RP1: variants seen among roughly 807,000 people sequenced by gnomAD.
The protein encoded by RP1 is oxygen-regulated protein 1.
Under a neutral mutation model 14.8 loss-of-function variants are expected in RP1, and 16 were observed. That is an observed-to-expected ratio of 1.08 (90% CI 0.73 to 1.65). The LOEUF (loss-of-function observed/expected upper bound fraction) is 1.65, where lower values mean the gene tolerates loss of function less well. Ranked by LOEUF, RP1 falls within the 40% of genes most tolerant of loss-of-function variation. The pLI, the probability that RP1 is intolerant of heterozygous loss-of-function variation, is 0.00. For synonymous variants in RP1, 876 were observed against 883.6 expected, an observed-to-expected ratio of 0.99 and a Z score of 0.15; for missense variants, 2,631 against 2,535.0, an observed-to-expected ratio of 1.04 and a Z score of -0.81.
downstream of RP1, among the ~76,000 whole-genome samples, chr8:54,632,618 G>C (rs1806269977): frequency 6.6e-6 from 1 of 152,154 alleles, no homozygotes; most frequent in Non-Finnish European, 1.5e-5. Flanking sequence ...ATCCATACAT[G>C]TAGAAGGATG....
At chr8:54,587,492 G>C (rs887875252) in intron 1 of RP1, among the ~76,000 whole-genome samples, 5 of 151,770 alleles carry the variant, frequency 3.3e-5, no homozygotes, top group African/African-American at 1.2e-4. Context: ...ACCTTGCTTA[G>C]GCATTTTAAA....
At chr8:54,598,778 AT>A (rs141132135) in intron 1 of RP1, among the ~76,000 whole-genome samples, 2 of 152,328 alleles carry the variant, frequency 1.3e-5, no homozygotes, top group Non-Finnish European at 2.9e-5. Context: ...CACTTAGAAA[AT>A]GGTTGCAATA....
chr8:54,799,258 C>A (rs973239800), intron 24 of RP1, among the ~76,000 whole-genome samples: 1 of 152,048 alleles, frequency 6.6e-6, no homozygotes, highest in Non-Finnish European at 1.5e-5. Context: ...AAAAAGAAAT[C>A]TCCCAATAAT....
chr8:54,868,687 T>C (rs184084644), intron 28 of RP1, among the ~76,000 whole-genome samples: 6 of 152,320 alleles, frequency 3.9e-5, no homozygotes, highest in African/African-American at 1.4e-4. Flanking sequence ...CTGCACAAGA[T>C]ATCAAGTTTA....
chr8:54,624,581 T>G, intron 3 of RP1, 89 bp from the exon 4 acceptor site: 1 of 1,289,820 alleles, frequency 7.8e-7, no homozygotes. Context: ...TTTCTTTTTT[T>G]GCTGCCTCTT....
chr8:54,792,919 A>G (rs1422351360), intron 24 of RP1, among the ~76,000 whole-genome samples: 1 of 151,904 alleles, frequency 6.6e-6, no homozygotes, highest in African/African-American at 2.4e-5. Context: ...TTTTTGGAAA[A>G]GATAAACTTA....
intron 24 of RP1, among the ~76,000 whole-genome samples, chr8:54,804,380 T>C (rs796923765): frequency 5.9e-5 from 9 of 152,348 alleles, no homozygotes; most frequent in African/African-American, 2.2e-4. Context: ...CCATTAAGGT[T>C]TGACTGCATA....
exon 12 of RP1, chr8:54,679,861 C>A: frequency 6.5e-7 from 1 of 1,536,038 alleles, no homozygotes; most frequent in East Asian, 2.4e-5. Context: ...CTATAACAAG[C>A]TGACTGGAGG....
chr8:54,565,263 A>C (rs992833364), intron 1 of RP1, among the ~76,000 whole-genome samples: 3 of 152,172 alleles, frequency 2.0e-5, no homozygotes, highest in Non-Finnish European at 4.4e-5. Context: ...GTGAACAGCA[A>C]GTAGCAAAAC....
intron 12 of RP1, among the ~76,000 whole-genome samples, chr8:54,697,579 A>G (rs562181669): frequency 4.6e-5 from 7 of 152,190 alleles, no homozygotes; most frequent in African/African-American, 1.4e-4. Flanking sequence ...AAAAGACAGT[A>G]GCTTATGTTC....
At chr8:54,733,658 C>G (rs1320674836) in intron 17 of RP1, among the ~76,000 whole-genome samples, 4 of 152,062 alleles carry the variant, frequency 2.6e-5, no homozygotes, top group African/African-American at 9.7e-5. Context: ...TACCTTTTAA[C>G]CATTTGACAT....
chr8:54,734,759 C>A, intron 18 of RP1: 1 of 1,516,044 alleles, frequency 6.6e-7, no homozygotes, highest in Non-Finnish European at 8.8e-7. Flanking sequence ...ACAACACTGG[C>A]AGTAATATTT....
At chr8:54,747,619 G>A (rs748722339) in intron 19 of RP1, among the ~76,000 whole-genome samples, 1 of 152,168 alleles carries the variant, frequency 6.6e-6, no homozygotes, top group African/African-American at 2.4e-5. Flanking sequence ...TGTGAAGTAC[G>A]GCTGGGTGCA....
intron 1 of RP1, among the ~76,000 whole-genome samples, chr8:54,597,967 T>G (rs1317358511): frequency 6.6e-6 from 1 of 152,146 alleles, no homozygotes; most frequent in Non-Finnish European, 1.5e-5. Flanking sequence ...TTGTTTGATT[T>G]CATAAAGATC....
In RP1 at chr8:54,625,854, C is replaced by G; in HGVS notation, c.1972C>G (p.Pro658Ala). The part of the protein sequence containing the change: ...EFAQCGLTKL[P>A]KNEKKILSSV... ...TGCTCAGTGTGGTTTAACAAAACTT[C>G]CAAAAAATGAAAAGAAGATTTTGTC... Residue 658 changes from proline (P) to alanine (A), a missense_variant, in exon 4 of 4, where the codon CCA (proline) becomes GCA (alanine). Physicochemically the swap from Pro to Ala is conservative, Grantham distance 27. Coordinates refer to ENST00000220676, the MANE Select transcript of RP1 (RefSeq NM_006269.2). 3 of 1,613,340 alleles carry G rather than the reference C, an allele frequency of 1.9e-6. No individual in the cohort carries two copies. Among genetic ancestry groups the G allele is most frequent in the Non-Finnish European group, 2.5e-6 (3 of 1,179,894 alleles).
chr8:54,640,763 A>C (rs1806437801), intron 3 of RP1, among the ~76,000 whole-genome samples: 1 of 152,142 alleles, frequency 6.6e-6, no homozygotes, highest in Non-Finnish European at 1.5e-5. Flanking sequence ...TGAAAAGAGA[A>C]ACAGTTACCT....
intron 24 of RP1, among the ~76,000 whole-genome samples, chr8:54,800,068 G>A (rs544834408): frequency 1.3e-5 from 2 of 151,804 alleles, no homozygotes; most frequent in Admixed American, 1.3e-4. Flanking sequence ...GTATGAGAAG[G>A]TCTTTATTTA....
intron 1 of RP1, among the ~76,000 whole-genome samples, chr8:54,609,570 C>T (rs996215002): frequency 6.6e-6 from 1 of 152,166 alleles, no homozygotes; most frequent in African/African-American, 2.4e-5. Context: ...CAATGCCCCC[C>T]ACAAGCCTAC....
chr8:54,633,938 T>TAAAA (rs1806300556), downstream of RP1, among the ~76,000 whole-genome samples: 1 of 152,030 alleles, frequency 6.6e-6, no homozygotes, highest in African/African-American at 2.4e-5. Context: ...GGAAGGGGAC[T>TAAAA]AAAACTCACA....
Sources: gnomAD v4.1 joint callset for allele counts (sites outside exome capture counted in the v4.1 genomes callset) on GRCh38, gnomAD v4.1.1 for gene constraint, MANE v1.5 for transcripts, NCBI Gene and HGNC (gene_info 2026-07-23, HGNC 2026-07-21) for gene names.